The following PREX2 variants were observed in gnomAD, a reference collection of about 807,000 sequenced individuals.
PREX2 encodes the protein phosphatidylinositol-3,4,5-trisphosphate dependent Rac exchange factor 2.
A neutral mutation model predicts 203.2 loss-of-function variants in PREX2; 107 were observed. The ratio of observed to expected loss-of-function variants is 0.53; its 90% CI spans 0.45 to 0.62. The LOEUF is 0.62. Among genes scored for constraint, PREX2 ranks in the 20% least tolerant of loss-of-function variants. The probability of loss-of-function intolerance (pLI) is 0.00; values close to 1 mark genes in which losing one functional copy is unlikely to be tolerated. For missense variants in PREX2, 1,777 were observed against 1,955.9 expected, an observed-to-expected ratio of 0.91 and a Z score of 1.72; for synonymous variants, 672 against 663.6, an observed-to-expected ratio of 1.01 and a Z score of -0.19.
At chr8:68,110,950 G>A in intron 25 of PREX2, 2 of 433,950 alleles carry the variant, frequency 4.6e-6, no homozygotes, top group South Asian at 3.4e-5. Flanking sequence ...AACCGTTCAA[G>A]ATTGCTAAGA....
chr8:68,179,799 A>G (rs1250656335), intron 35 of PREX2, among the ~76,000 whole-genome samples: 1 of 152,160 alleles, frequency 6.6e-6, no homozygotes. Context: ...CAGAATTCAT[A>G]ATGTGTGATT....
chr8:68,074,559 A>T (rs1435489809), intron 14 of PREX2, among the ~76,000 whole-genome samples: 1 of 152,214 alleles, frequency 6.6e-6, no homozygotes, highest in Non-Finnish European at 1.5e-5. Context: ...ATCAACTCTG[A>T]TTGCTTAACT....
At chr8:68,144,579 C>T (rs902184040) in intron 33 of PREX2, among the ~76,000 whole-genome samples, 1 of 152,074 alleles carries the variant, frequency 6.6e-6, no homozygotes, top group Admixed American at 6.5e-5. Context: ...GTTCCAGGAG[C>T]AGTTTTTTGT....
intron 34 of PREX2, among the ~76,000 whole-genome samples, chr8:68,154,987 G>A (rs1811511701): frequency 8.5e-5 from 13 of 152,144 alleles, no homozygotes. Flanking sequence ...ATTTGAATGA[G>A]CTGGAGAAAT....
chr8:68,146,158 T>TC (rs1189725869), intron 33 of PREX2, 51 bp from the exon 34 acceptor site: 1 of 1,298,064 alleles, frequency 7.7e-7, no homozygotes, highest in South Asian at 1.3e-5. Flanking sequence ...AAAAGTACCA[T>TC]CTAGCATATC....
chr8:68,080,021 C>T (rs1809465064), intron 15 of PREX2, among the ~76,000 whole-genome samples: 1 of 152,130 alleles, frequency 6.6e-6, no homozygotes, highest in African/African-American at 2.4e-5. Flanking sequence ...TGAATTTTCC[C>T]ATAATTGTGT....
At chr8:68,101,708 G>C (rs976931635) in intron 23 of PREX2, among the ~76,000 whole-genome samples, 4 of 152,184 alleles carry the variant, frequency 2.6e-5, no homozygotes, top group Admixed American at 1.3e-4. Context: ...CTTTAGAAAT[G>C]GATCTGTACA....
chr8:68,087,941 A>ATTTTGCC, intron 19 of PREX2, 132 bp downstream of exon 19: 1 of 705,126 alleles, frequency 1.4e-6, no homozygotes, highest in South Asian at 1.7e-5. Flanking sequence ...GTATTAACTC[A>ATTTTGCC]ATGGTAGCAC....
At chr8:68,220,759 A>G (rs369138746) in intron 38 of PREX2, among the ~76,000 whole-genome samples, 65 of 152,324 alleles carry the variant, frequency 4.3e-4, no homozygotes, top group African/African-American at 1.4e-3. Flanking sequence ...AGTACAAAGT[A>G]AATGCCAAAA....
At chr8:68,179,875 AT>A (rs1379791689) in intron 35 of PREX2, among the ~76,000 whole-genome samples, 1 of 152,112 alleles carries the variant, frequency 6.6e-6, no homozygotes, top group African/African-American at 2.4e-5. Flanking sequence ...GGTTAGACAG[AT>A]TTTACATAGT....
At position 68,038,307 on chromosome 8, in the gene PREX2, A is replaced by G; in HGVS notation, c.839+15A>G. The G allele has an allele frequency of 1.2e-6, 2 of 1,613,128 alleles. No homozygotes were observed. The highest frequency in any genetic ancestry group is 1.7e-6 in the Non-Finnish European group (2 of 1,179,554). ...AGAAAACACAGGTAAGATCCTAAGC[A>G]GGACACACTTCAGAAGTGGTCACAG... On this transcript the variant is annotated intron_variant, in intron 7 of 39. Coordinates refer to ENST00000288368, the MANE Select transcript of PREX2 (RefSeq NM_024870.4).
intron 25 of PREX2, among the ~76,000 whole-genome samples, chr8:68,114,830 T>C (rs1413438234): frequency 1.3e-5 from 2 of 152,040 alleles, no homozygotes; most frequent in African/African-American, 4.8e-5. Context: ...GACAATCCAA[T>C]ATTCTCCCTG....
chr8:68,229,502 CT>C (rs1415804065), intron 39 of PREX2, among the ~76,000 whole-genome samples: 1 of 152,164 alleles, frequency 6.6e-6, no homozygotes, highest in African/African-American at 2.4e-5. Flanking sequence ...TGTGTTTGAA[CT>C]CAAATAACCC....
At chr8:68,183,830 G>T (rs941550443) in intron 35 of PREX2, among the ~76,000 whole-genome samples, 47 of 152,072 alleles carry the variant, frequency 3.1e-4, no homozygotes, top group African/African-American at 1.1e-3. Flanking sequence ...AAAGAAGTCA[G>T]GGAAATGCTT....
chr8:68,098,659 A>T (rs938388118), intron 22 of PREX2, among the ~76,000 whole-genome samples: 6 of 151,954 alleles, frequency 3.9e-5, no homozygotes, highest in African/African-American at 1.4e-4. Context: ...AGTATTACAA[A>T]TATCACTTGG....
chr8:68,112,156 A>C (rs1250166740), intron 25 of PREX2, among the ~76,000 whole-genome samples: 2 of 152,214 alleles, frequency 1.3e-5, no homozygotes, highest in Non-Finnish European at 2.9e-5. Flanking sequence ...TTTGCTGTCT[A>C]GTAACATGAG....
intron 1 of PREX2, among the ~76,000 whole-genome samples, chr8:67,958,480 A>T (rs941870650): frequency 1.3e-5 from 2 of 152,212 alleles, no homozygotes; most frequent in African/African-American, 2.4e-5. Flanking sequence ...ACTTTAATAT[A>T]AAAATAGTAG....
intron 39 of PREX2, among the ~76,000 whole-genome samples, chr8:68,226,152 A>C (rs559341810): frequency 6.6e-6 from 1 of 152,326 alleles, no homozygotes; most frequent in South Asian, 2.1e-4. Context: ...AAGCAAGAGT[A>C]ATTTTTAAAA....
intron 1 of PREX2, among the ~76,000 whole-genome samples, chr8:67,963,698 CTT>C (rs1805694985): frequency 6.6e-6 from 1 of 151,640 alleles, no homozygotes; most frequent in South Asian, 2.1e-4. Flanking sequence ...TTAACATATT[CTT>C]TTTTTCCTGA....
Sources: allele counts gnomAD v4.1 joint callset (sites outside exome capture counted in the v4.1 genomes callset), GRCh38; gene constraint gnomAD v4.1.1; transcripts MANE v1.5; gene names NCBI Gene and HGNC (gene_info 2026-07-23, HGNC 2026-07-21).